The following TFEC variants were observed in gnomAD, a reference collection of about 807,000 sequenced individuals.
The protein encoded by TFEC is transcription factor EC, also known as class E basic helix-loop-helix protein 34.
A neutral mutation model predicts 41.6 loss-of-function variants in TFEC; 31 were observed. The observed-to-expected ratio is 0.74, with a 90% CI of 0.56 to 1.01. The LOEUF is 1.01. Among genes scored for constraint, TFEC ranks in the 50% least tolerant of loss-of-function variants. The pLI is 0.00. For missense variants in TFEC, 402 were observed against 404.1 expected, an observed-to-expected ratio of 0.99 and a Z score of 0.04; for synonymous variants, 143 against 140.6, an observed-to-expected ratio of 1.02 and a Z score of -0.12.
chr7:116,092,599 T>G (rs1416685347), intron 3 of TFEC, among the ~76,000 whole-genome samples: 2 of 152,182 alleles, frequency 1.3e-5, no homozygotes, highest in Admixed American at 6.5e-5. Flanking sequence ...TGAATTAAAC[T>G]TTTACTGAAC....
chr7:115,982,234 A>T (rs1263995289), intron 2 of TFEC, among the ~76,000 whole-genome samples: 1 of 152,046 alleles, frequency 6.6e-6, no homozygotes, highest in Non-Finnish European at 1.5e-5. Context: ...AAAACAAAAG[A>T]TGGCAACAGA....
rs557728892 is a variant in TFEC, at chr7:116,007,117, C to T, written c.-72-22604G>A. Among the ~76,000 whole-genome samples, 98 of 152,260 alleles carry T rather than the reference C, an allele frequency of 6.4e-4. 4 individuals are homozygous for T. The South Asian group carries it at 0.018, about 29-fold the overall frequency. On this transcript the variant is annotated intron_variant, in intron 1 of 7. Coordinates refer to ENST00000265440, the MANE Select transcript of TFEC (RefSeq NM_012252.4). Reference sequence around the variant, plus strand: ...TACATATACAAAATGTATGTATCTACGGTTTTACCTTTTTGTGTTTTTCTA... The same window carrying T: ...TACATATACAAAATGTATGTATCTATGGTTTTACCTTTTTGTGTTTTTCTA...
intron 3 of TFEC, among the ~76,000 whole-genome samples, chr7:116,067,429 A>C (rs1403698763): frequency 6.6e-6 from 1 of 152,036 alleles, no homozygotes; most frequent in Non-Finnish European, 1.5e-5. Flanking sequence ...CAGAAGGTGA[A>C]ACAAGAAATG....
intron 3 of TFEC, among the ~76,000 whole-genome samples, chr7:115,970,018 C>G (rs1793061650): frequency 6.6e-6 from 1 of 151,936 alleles, no homozygotes; most frequent in Non-Finnish European, 1.5e-5. Context: ...CAAAAGATAT[C>G]AAGTAAGCAG....
intron 3 of TFEC, among the ~76,000 whole-genome samples, chr7:115,959,977 TC>T (rs1202133656): frequency 3.3e-5 from 5 of 151,680 alleles, no homozygotes; most frequent in Admixed American, 6.6e-5. Context: ...TTAATAGTAA[TC>T]AATGGGCGAC....
Position 115,984,207 on chromosome 7 carries a change from T to G in TFEC, c.180+55A>C, listed in dbSNP as rs1469926743. 2.5e-6 allele frequency: 4 copies of G among 1,586,334 alleles called. No individual in the cohort carries two copies. In the East Asian group the frequency reaches 9.0e-5, roughly 36 times the overall value. On this transcript the variant is annotated intron_variant, in intron 2 of 7. Transcript: ENST00000265440. Reference sequence around the variant, plus strand: ...AAAATGTTGACTTCAATTACTTTAATAGAGGTTTTTTCAAAAACTGATGAT... The same window carrying G: ...AAAATGTTGACTTCAATTACTTTAAGAGAGGTTTTTTCAAAAACTGATGAT...
intron 1 of TFEC, among the ~76,000 whole-genome samples, chr7:116,117,201 A>G (rs555037361): frequency 6.6e-6 from 1 of 151,934 alleles, no homozygotes; most frequent in African/African-American, 2.4e-5. Flanking sequence ...GCTTGACTAA[A>G]TAAGATTGCT....
chr7:116,089,817 T>C (rs980883836), intron 3 of TFEC, among the ~76,000 whole-genome samples: 9 of 152,132 alleles, frequency 5.9e-5, no homozygotes, highest in African/African-American at 1.9e-4. Flanking sequence ...AGGATGCACA[T>C]GAATAAAAAC....
intron 1 of TFEC, among the ~76,000 whole-genome samples, chr7:116,140,254 A>T (rs1449050876): frequency 6.6e-6 from 1 of 152,230 alleles, no homozygotes; most frequent in African/African-American, 2.4e-5. Context: ...AAATCAGATA[A>T]GTGAAAGAAA....
At chr7:116,095,185 T>C (rs777999449) in intron 3 of TFEC, among the ~76,000 whole-genome samples, 1 of 152,240 alleles carries the variant, frequency 6.6e-6, no homozygotes, top group Non-Finnish European at 1.5e-5. Flanking sequence ...TGTAGTCTAA[T>C]ATTTGGCCAT....
At chr7:115,998,258 T>G (rs991789527) in intron 1 of TFEC, among the ~76,000 whole-genome samples, 1 of 152,102 alleles carries the variant, frequency 6.6e-6, no homozygotes, top group Non-Finnish European at 1.5e-5. Context: ...CTTACCTATT[T>G]AAACAATAGG....
intron 1 of TFEC, among the ~76,000 whole-genome samples, chr7:116,148,813 T>C (rs1157815755): frequency 6.6e-6 from 1 of 151,900 alleles, no homozygotes; most frequent in African/African-American, 2.4e-5. Context: ...TTTTTCACTA[T>C]AGATGTAAAT....
chr7:116,137,986 C>T (rs1326153476), intron 1 of TFEC, among the ~76,000 whole-genome samples: 4 of 151,764 alleles, frequency 2.6e-5, no homozygotes, highest in Admixed American at 6.6e-5. Context: ...AGAAGAAATG[C>T]GGTCATTTGT....
At position 116,088,669 on chromosome 7, in the gene TFEC, C is replaced by T. The variant is rs545729201; in HGVS notation, c.198+22039G>A. Among the ~76,000 whole-genome samples the T allele has an allele frequency of 5.3e-5, 8 of 151,866 alleles. No individual in the cohort carries two copies. In the South Asian group the frequency reaches 1.5e-3, roughly 28 times the overall value. On this transcript the variant is annotated intron_variant, in intron 3 of 8. Coordinates refer to the TFEC transcript ENST00000484212. ...TAAGCTAATGTTAAATTATGTCTAC[C>T]CATTTTTGTACTTATGATTAGGTTT... is the stretch of plus-strand genomic sequence containing the variant.
intron 1 of TFEC, among the ~76,000 whole-genome samples, chr7:116,129,610 T>G (rs2116296490): frequency 1.4e-5 from 2 of 143,480 alleles, no homozygotes; most frequent in South Asian, 4.6e-4. Context: ...TTTTTTTTTT[T>G]GACACTGAGT....
intron 1 of TFEC, among the ~76,000 whole-genome samples, chr7:116,126,914 A>G (rs1025951567): frequency 2.0e-5 from 3 of 152,174 alleles, no homozygotes; most frequent in Admixed American, 6.5e-5. Context: ...TCCTGAAAAA[A>G]GAACCCTTCG....
intron 1 of TFEC, among the ~76,000 whole-genome samples, chr7:116,153,019 A>T (rs1798792882): frequency 6.6e-6 from 1 of 152,222 alleles, no homozygotes; most frequent in South Asian, 2.1e-4. Context: ...AAGCATAAGC[A>T]TGTTGAGGCG....
At chr7:116,082,775 T>A (rs746838707) in intron 3 of TFEC, among the ~76,000 whole-genome samples, 15 of 151,980 alleles carry the variant, frequency 9.9e-5, no homozygotes, top group Non-Finnish European at 2.2e-4. Context: ...TATGTATGTA[T>A]AGCACCTACA....
intron 1 of TFEC, among the ~76,000 whole-genome samples, chr7:115,989,724 C>A (rs986824253): frequency 1.3e-5 from 2 of 152,076 alleles, no homozygotes; most frequent in Non-Finnish European, 1.5e-5. Context: ...ACAAAGCGGC[C>A]GGGAAGCTTG....
Sources: gnomAD v4.1 joint callset for allele counts (sites outside exome capture counted in the v4.1 genomes callset) on GRCh38, gnomAD v4.1.1 for gene constraint, MANE v1.5 for transcripts, NCBI Gene and HGNC (gene_info 2026-07-23, HGNC 2026-07-21) for gene names.